Variants in ASTN2 observed in about 807,000 individuals in gnomAD.
ASTN2 encodes the protein astrotactin-2.
Under a neutral mutation model 139.8 loss-of-function variants are expected in ASTN2, and 54 were observed. The observed-to-expected ratio is 0.39, with a 90% CI of 0.31 to 0.48. ASTN2 has a LOEUF of 0.48. ASTN2 is among the 20% of genes least tolerant of loss of function. The pLI is 0.95. For missense variants in ASTN2, 1,565 were observed against 1,725.1 expected (o/e 0.91, Z 1.64); for synonymous variants, 756 against 719.5 (o/e 1.05, Z -0.81).
chr9:117,147,452 C>CAG (rs1830223808), intron 3 of ASTN2, among the ~76,000 whole-genome samples: 1 of 151,090 alleles, frequency 6.6e-6, no homozygotes. Flanking sequence ...CACACACACA[C>CAG]ACACACACAC....
At chr9:117,385,519 G>A (rs1312789904) in intron 1 of ASTN2, among the ~76,000 whole-genome samples, 2 of 152,126 alleles carry the variant, frequency 1.3e-5, no homozygotes, top group African/African-American at 2.4e-5. Context: ...TGAAAGATGG[G>A]AATGAAACAG....
At chr9:116,442,058 G>T (rs1274227590) in intron 21 of ASTN2, among the ~76,000 whole-genome samples, 1 of 152,146 alleles carries the variant, frequency 6.6e-6, no homozygotes, top group Non-Finnish European at 1.5e-5. Flanking sequence ...AGGTGAAATG[G>T]TTTTCTAGGT....
intron 10 of ASTN2, among the ~76,000 whole-genome samples, chr9:116,916,731 T>G (rs1445447021): frequency 6.6e-6 from 1 of 152,054 alleles, no homozygotes; most frequent in Non-Finnish European, 1.5e-5. Flanking sequence ...CCCCAGCTAC[T>G]TGGGAGGCTG....
chr9:117,093,012 G>A (rs1828745207), intron 5 of ASTN2, among the ~76,000 whole-genome samples: 1 of 152,172 alleles, frequency 6.6e-6, no homozygotes, highest in South Asian at 2.1e-4. Context: ...TAAACAGGGT[G>A]CAAAGGAACC....
At chr9:116,517,531 C>G (rs939441822) in intron 19 of ASTN2, among the ~76,000 whole-genome samples, 10 of 152,222 alleles carry the variant, frequency 6.6e-5, no homozygotes, top group Non-Finnish European at 1.3e-4. Context: ...GATCTTCCCT[C>G]TGACATAGTC....
At chr9:117,169,015 A>G (rs1472538056) in intron 3 of ASTN2, among the ~76,000 whole-genome samples, 1 of 152,118 alleles carries the variant, frequency 6.6e-6, no homozygotes, top group Non-Finnish European at 1.5e-5. Flanking sequence ...CAGCTGTAAC[A>G]TGGGGATAAT....
In ASTN2 at chr9:117,411,289, T is replaced by C. The variant is rs535339025; in HGVS notation, c.442+3208A>G. 1.1e-4 allele frequency among the ~76,000 whole-genome samples: 16 copies of C among 152,148 alleles called. No individual in the cohort carries two copies. The South Asian group carries it at 3.3e-3, about 32-fold the overall frequency. ...ATTCTTTGATCACTTTCAGGGAGAT[T>C]CACTTTGTCAATGTCATTGACTTAT... On this transcript the variant is annotated intron_variant, in intron 1 of 22. Transcript: ENST00000313400.
chr9:117,408,146 GAT>G (rs1491400592), intron 1 of ASTN2, among the ~76,000 whole-genome samples: 3,720 of 131,820 alleles, frequency 0.028, 73 homozygotes, highest in Middle Eastern at 0.054. Context: ...TTTCCTTGTA[GAT>G]TTTTTTTTTT....
At chr9:117,143,541 C>A (rs901657844) in intron 3 of ASTN2, among the ~76,000 whole-genome samples, 1 of 152,186 alleles carries the variant, frequency 6.6e-6, no homozygotes, top group Non-Finnish European at 1.5e-5. Flanking sequence ...TTCATTGATT[C>A]ATTCATTCAA....
At chr9:116,886,932 G>A (rs1833614039) in intron 10 of ASTN2, among the ~76,000 whole-genome samples, 2 of 152,054 alleles carry the variant, frequency 1.3e-5, no homozygotes, top group African/African-American at 4.8e-5. Context: ...GGTGGGGCAT[G>A]CTGATTTAGT....
At chr9:116,978,914 T>C (rs567322575) in intron 7 of ASTN2, among the ~76,000 whole-genome samples, 3 of 152,336 alleles carry the variant, frequency 2.0e-5, no homozygotes, top group East Asian at 3.9e-4. Flanking sequence ...CTCAACTTTA[T>C]ACAACTAAAA....
chr9:116,796,226 G>A (rs1382313321), intron 13 of ASTN2, among the ~76,000 whole-genome samples: 2 of 152,170 alleles, frequency 1.3e-5, no homozygotes, highest in African/African-American at 4.8e-5. Flanking sequence ...GAAATAATGT[G>A]TCTATAGTCA....
At chr9:117,044,580 C>T (rs879510907) in intron 5 of ASTN2, among the ~76,000 whole-genome samples, 4 of 152,180 alleles carry the variant, frequency 2.6e-5, no homozygotes, top group Admixed American at 1.3e-4. Context: ...GAAACTATCT[C>T]TCCCATAATA....
intron 16 of ASTN2, among the ~76,000 whole-genome samples, chr9:116,692,845 G>A (rs1336333111): frequency 6.6e-6 from 1 of 152,002 alleles, no homozygotes; most frequent in Non-Finnish European, 1.5e-5. Context: ...TCCACTTCCT[G>A]GTCTCAAGTA....
At chr9:117,032,885 A>C (rs918040583) in intron 6 of ASTN2, among the ~76,000 whole-genome samples, 1 of 152,218 alleles carries the variant, frequency 6.6e-6, no homozygotes, top group African/African-American at 2.4e-5. Context: ...TAGGGAACAG[A>C]GAAGACTTGG....
At chr9:117,218,480 A>G (rs893272292) in intron 2 of ASTN2, among the ~76,000 whole-genome samples, 4 of 152,204 alleles carry the variant, frequency 2.6e-5, no homozygotes, top group Non-Finnish European at 5.9e-5. Context: ...GACTACTGAA[A>G]CAGACATCCC....
intron 10 of ASTN2, among the ~76,000 whole-genome samples, chr9:116,872,835 G>A (rs1355490084): frequency 6.6e-6 from 1 of 152,124 alleles, no homozygotes; most frequent in Non-Finnish European, 1.5e-5. Context: ...GGGGCTTCAA[G>A]AGATGCAGAA....
At chr9:117,034,783 T>A (rs1221837175) in intron 6 of ASTN2, among the ~76,000 whole-genome samples, 2 of 152,102 alleles carry the variant, frequency 1.3e-5, no homozygotes, top group African/African-American at 2.4e-5. Flanking sequence ...GCAAACATGT[T>A]CCATTTCTTC....
chr9:117,317,600 C>A (rs1828183243), intron 1 of ASTN2, among the ~76,000 whole-genome samples: 1 of 152,198 alleles, frequency 6.6e-6, no homozygotes. Context: ...AGATACCCGG[C>A]TCATTCCCCA....
Sources: gnomAD v4.1 joint callset for allele counts (sites outside exome capture counted in the v4.1 genomes callset) on GRCh38, gnomAD v4.1.1 for gene constraint, MANE v1.5 for transcripts, NCBI Gene and HGNC (gene_info 2026-07-23, HGNC 2026-07-21) for gene names.